Variants in ITGB8 observed in about 807,000 individuals in gnomAD.
ITGB8 encodes integrin beta-8.
ITGB8 carries 30 observed loss-of-function variants against 89.5 expected under a neutral mutation model. The observed-to-expected ratio is 0.34, with a 90% CI of 0.25 to 0.45. The LOEUF (loss-of-function observed/expected upper bound fraction) is 0.45, where lower values mean the gene tolerates loss of function less well. Among genes scored for constraint, ITGB8 ranks in the 20% least tolerant of loss-of-function variants. The pLI is 1.00. For synonymous variants in ITGB8, 335 were observed against 320.4 expected (o/e 1.05, Z -0.49); for missense variants, 836 against 933.3 (o/e 0.90, Z 1.36).
intron 5 of ITGB8, 135 bp downstream of exon 5, chr7:20,380,966 C>A: frequency 1.4e-6 from 1 of 707,714 alleles, no homozygotes; most frequent in Non-Finnish European, 2.3e-6. Flanking sequence ...TCTTACTCCT[C>A]ACCAAGGTGA....
chr7:20,378,401 T>C (rs1011003096), intron 3 of ITGB8, among the ~76,000 whole-genome samples: 1 of 152,204 alleles, frequency 6.6e-6, no homozygotes, highest in African/African-American at 2.4e-5. Flanking sequence ...CATGTGGCAC[T>C]GCAGGGCACC....
chr7:20,399,938 T>C (rs184023716), intron 9 of ITGB8, among the ~76,000 whole-genome samples: 9 of 152,328 alleles, frequency 5.9e-5, no homozygotes, highest in African/African-American at 1.9e-4. Flanking sequence ...TGTTTTTCTA[T>C]CTTAGGAATT....
chr7:20,397,314 C>T (rs1475421326), intron 8 of ITGB8, among the ~76,000 whole-genome samples: 1 of 152,092 alleles, frequency 6.6e-6, no homozygotes, highest in Non-Finnish European at 1.5e-5. Flanking sequence ...GCAACCTCCA[C>T]CTCCCAGGTT....
chr7:20,408,337 C>A (rs1787628190), intron 12 of ITGB8, among the ~76,000 whole-genome samples: 1 of 148,656 alleles, frequency 6.7e-6, no homozygotes, highest in Non-Finnish European at 1.5e-5. Flanking sequence ...AGTTGTAGCA[C>A]TGGGATAGCC....
intron 1 of ITGB8, among the ~76,000 whole-genome samples, chr7:20,349,253 T>C (rs1439995001): frequency 6.6e-6 from 1 of 152,076 alleles, no homozygotes; most frequent in African/African-American, 2.4e-5. Flanking sequence ...GAAGAGGATT[T>C]ACTTTAGAGA....
chr7:20,408,113 G>A (rs551393561), intron 12 of ITGB8, among the ~76,000 whole-genome samples: 77 of 152,294 alleles, frequency 5.1e-4, no homozygotes, highest in African/African-American at 1.8e-3. Flanking sequence ...ATCAAGCCAC[G>A]TGCCCCCTCT....
intron 3 of ITGB8, among the ~76,000 whole-genome samples, chr7:20,370,865 C>G (rs1222309061): frequency 6.6e-6 from 1 of 152,140 alleles, no homozygotes; most frequent in East Asian, 1.9e-4. Context: ...CCACCAGCCT[C>G]GGCTTCCCAA....
rs377569049 is a variant in ITGB8, at chr7:20,401,965, A to C, written c.1526A>C (p.Glu509Ala). 1.2e-6 allele frequency: 2 copies of C among 1,614,172 alleles called. No individual in the cohort carries two copies. The highest frequency in any genetic ancestry group is 1.7e-6 in the Non-Finnish European group (2 of 1,180,014). ...TTTGATGAAGATCAGTTTTCTTCTG[A>C]GAGTTGCAAGTCACACAAGGATCAG... Reference protein sequence around the residue: ...CHFDEDQFSSESCKSHKDQPV... With the variant: ...CHFDEDQFSSASCKSHKDQPV... Residue 509 changes from glutamate to alanine, a missense_variant, in exon 10 of 14, where the codon GAG (glutamate) becomes GCG (alanine). Coordinates refer to ENST00000222573, the MANE Select transcript of ITGB8 (RefSeq NM_002214.3).
chr7:20,330,932 G>C lies in ITGB8; in HGVS notation c.-875G>C, dbSNP rs544297275. 3 of 152,382 alleles carry C rather than the reference G, an allele frequency of 2.0e-5. No individual in the cohort carries two copies. The highest frequency in any genetic ancestry group is 3.9e-4 in the East Asian group (2 of 5,186). 9.4% of individuals were successfully genotyped at this position (152,382 alleles called of 1,614,324 possible). On this transcript the variant is annotated 5_prime_UTR_variant, in exon 1 of 14. Coordinates refer to ENST00000222573, the MANE Select transcript of ITGB8 (RefSeq NM_002214.3). ...GCCAGCAACTCGGGCTCTGGACTGC[G>C]GGACGCCTGAGCCGCGCACTGAGGC...
chr7:20,405,257 C>T (rs766929524), intron 11 of ITGB8, among the ~76,000 whole-genome samples: 6 of 151,772 alleles, frequency 4.0e-5, no homozygotes, highest in Non-Finnish European at 8.8e-5. Context: ...CACCTTTGTA[C>T]TTGATGCATG....
chr7:20,411,862 TTGA>T lies in ITGB8; in HGVS notation c.*1867_*1869del, dbSNP rs558081775. The T allele has an allele frequency of 9.4e-4, 144 of 152,442 alleles. No individual in the cohort carries two copies. The highest frequency in any genetic ancestry group is 6.2e-3 in the South Asian group (30 of 4,812). The allele number at this position is 152,442 out of a possible 1,614,324, so 9.4% of individuals were successfully genotyped here. A position where few individuals can be genotyped will look rare whatever the true frequency, so the allele number is the denominator to read the frequency against. On this transcript the variant is annotated 3_prime_UTR_variant, in exon 14 of 14. Coordinates refer to ENST00000222573, the MANE Select transcript of ITGB8 (RefSeq NM_002214.3). Reference sequence around the variant, plus strand: ...GTTCTCCAGTGCTCAGCTTGAGACCTTGATACACGGGCCATGAGCCCTGTCTTC... The same window carrying T: ...GTTCTCCAGTGCTCAGCTTGAGACCTTACACGGGCCATGAGCCCTGTCTTC...
chr7:20,330,461 C>A (rs970149728), upstream of ITGB8, among the ~76,000 whole-genome samples: 2 of 152,160 alleles, frequency 1.3e-5, no homozygotes, highest in African/African-American at 4.8e-5. Context: ...AGTCTCCCAC[C>A]ACCCCCGCGA....
chr7:20,336,029 G>A (rs1482191050), intron 1 of ITGB8, among the ~76,000 whole-genome samples: 1 of 100,994 alleles, frequency 9.9e-6, no homozygotes, highest in Non-Finnish European at 1.8e-5. Flanking sequence ...TTTTTGAGAC[G>A]GAGTCTTGCT....
At chr7:20,399,169 A>C in intron 9 of ITGB8, 175 bp downstream of exon 9, 1 of 616,202 alleles carries the variant, frequency 1.6e-6, no homozygotes. Flanking sequence ...GTTTTAGCTC[A>C]GCTGATTGTT....
chr7:20,378,415 CT>C (rs1198859115), intron 3 of ITGB8, among the ~76,000 whole-genome samples: 1 of 152,184 alleles, frequency 6.6e-6, no homozygotes, highest in Non-Finnish European at 1.5e-5. Context: ...GGGCACCATT[CT>C]TTAGCCCACT....
At chr7:20,342,850 G>C (rs1237111726) in intron 1 of ITGB8, among the ~76,000 whole-genome samples, 1 of 152,190 alleles carries the variant, frequency 6.6e-6, no homozygotes, top group African/African-American at 2.4e-5. Context: ...TTGTTCGCAA[G>C]TACGGCAGAG....
At chr7:20,386,233 C>A (rs942407227) in intron 6 of ITGB8, among the ~76,000 whole-genome samples, 1 of 125,708 alleles carries the variant, frequency 8.0e-6, no homozygotes, top group Non-Finnish European at 1.6e-5. Context: ...ATTGTAAACA[C>A]TATGAGAACA....
In ITGB8 at chr7:20,414,999, C is replaced by A. The variant is rs1290033614; in HGVS notation, c.*5002C>A. ...AATACAGCAATATTTAAAAAAAAAA[C>A]ACTGCAATTGTCAAGGATGGAAAAT... On this transcript the variant is annotated 3_prime_UTR_variant, in exon 14 of 14. Coordinates refer to ENST00000222573, the MANE Select transcript of ITGB8 (RefSeq NM_002214.3). The A allele has an allele frequency of 2.0e-5, 3 of 149,304 alleles. No individual in the cohort carries two copies. Among genetic ancestry groups the A allele is most frequent in the African/African-American group, 7.4e-5 (3 of 40,344 alleles). The allele number at this position is 149,304 out of a possible 1,614,324, so 9.2% of individuals were successfully genotyped here.
At chr7:20,387,640 G>T (rs1403662007) in intron 6 of ITGB8, among the ~76,000 whole-genome samples, 1 of 152,186 alleles carries the variant, frequency 6.6e-6, no homozygotes, top group Admixed American at 6.5e-5. Flanking sequence ...TGGAAAGAGG[G>T]TGCTACTGGC....
Sources: gnomAD v4.1 joint callset for allele counts (sites outside exome capture counted in the v4.1 genomes callset) on GRCh38, gnomAD v4.1.1 for gene constraint, MANE v1.5 for transcripts, NCBI Gene and HGNC (gene_info 2026-07-23, HGNC 2026-07-21) for gene names.